The following HDAC4 variants were observed in gnomAD, a reference collection of about 807,000 sequenced individuals.
The protein encoded by HDAC4 is histone deacetylase A.
A neutral mutation model predicts 135.1 loss-of-function variants in HDAC4; 16 were observed. The ratio of observed to expected loss-of-function variants is 0.12; its 90% CI spans 0.08 to 0.18. The LOEUF is 0.18. Among genes scored for constraint, HDAC4 ranks in the 10% least tolerant of loss-of-function variants. The pLI, the probability that HDAC4 is intolerant of heterozygous loss-of-function variation, is 1.00. For missense variants in HDAC4, 1,143 were observed against 1,511.8 expected, an observed-to-expected ratio of 0.76 and a Z score of 4.05; for synonymous variants, 685 against 653.4, an observed-to-expected ratio of 1.05 and a Z score of -0.74.
chr2:239,247,785 A>G (rs1257638557), intron 2 of HDAC4, among the ~76,000 whole-genome samples: 4 of 152,238 alleles, frequency 2.6e-5, no homozygotes, highest in Admixed American at 2.6e-4. Flanking sequence ...AGGCAGGCAC[A>G]TTAACTGCGC....
chr2:239,184,341 C>T (rs1046774367), intron 4 of HDAC4, among the ~76,000 whole-genome samples: 2 of 141,232 alleles, frequency 1.4e-5, no homozygotes, highest in African/African-American at 5.4e-5. Flanking sequence ...TGGGGGGGTC[C>T]CTCAGTGTCT....
chr2:239,230,620 G>A (rs1047740023), intron 3 of HDAC4, among the ~76,000 whole-genome samples: 5 of 152,160 alleles, frequency 3.3e-5, no homozygotes, highest in Non-Finnish European at 7.3e-5. Context: ...GGCCACTCGA[G>A]GAACCACCAG....
At chr2:239,065,865 G>A (rs1309881925) in intron 24 of HDAC4, among the ~76,000 whole-genome samples, 1 of 152,254 alleles carries the variant, frequency 6.6e-6, no homozygotes, top group East Asian at 1.9e-4. Context: ...CGACTGAGTC[G>A]TGTCTTGGGG....
chr2:239,200,006 G>T (rs2045657599), intron 3 of HDAC4, among the ~76,000 whole-genome samples: 1 of 152,152 alleles, frequency 6.6e-6, no homozygotes, highest in East Asian at 1.9e-4. Context: ...CCAAAGTGCT[G>T]GGATTACAGG....
intron 4 of HDAC4, 146 bp downstream of exon 4, chr2:239,189,687 G>A: frequency 1.3e-6 from 1 of 747,582 alleles, no homozygotes; most frequent in African/African-American, 1.7e-5. Context: ...GTTGCCTGGT[G>A]TTACCGTCCC....
Position 239,084,438 on chromosome 2 carries a change from T to C in HDAC4, c.2445-196A>G, listed in dbSNP as rs369569248. On this transcript the variant is annotated intron_variant, in intron 19 of 26. Coordinates refer to ENST00000543185, the MANE Select transcript of HDAC4 (RefSeq NM_001378414.1). ...CAGACAGACACGTACACACCCCACA[T>C]GCAGACACACTCACACGCGTGCGCG... Among the ~76,000 whole-genome samples, 473 of 147,436 alleles carry C rather than the reference T, an allele frequency of 3.2e-3. 3 individuals are homozygous for C. Among genetic ancestry groups the C allele is most frequent in the African/African-American group, 0.011 (451 of 39,840 alleles).
At chr2:239,261,307 C>T (rs1027096064) in intron 2 of HDAC4, among the ~76,000 whole-genome samples, 4 of 152,158 alleles carry the variant, frequency 2.6e-5, no homozygotes, top group African/African-American at 7.2e-5. Flanking sequence ...CCAGGTAACA[C>T]GCTAGAGATG....
At chr2:239,092,795 C>T (rs745739243) in intron 17 of HDAC4, among the ~76,000 whole-genome samples, 9 of 152,128 alleles carry the variant, frequency 5.9e-5, no homozygotes, top group East Asian at 1.9e-4. Flanking sequence ...TCAGGGCAGG[C>T]GGCCGCAACT....
At position 239,282,257 on chromosome 2, in the gene HDAC4, TCTAC is replaced by T. The variant is rs1559323852; in HGVS notation, c.23-45597_23-45594del. Among the ~76,000 whole-genome samples the T allele has an allele frequency of 2.7e-3, 289 of 108,164 alleles. 8 individuals carry two copies. Among genetic ancestry groups the T allele is most frequent in the Middle Eastern group, 6.7e-3 (1 of 150 alleles). The allele number at this position is 108,164 out of a possible 152,430, so 71.0% of individuals were successfully genotyped here. On this transcript the variant is annotated intron_variant, in intron 2 of 26. Coordinates refer to ENST00000543185, the MANE Select transcript of HDAC4 (RefSeq NM_001378414.1). ...CACCACTCTACAATGTACACACCAC[TCTAC>T]ACACAATGTACACACCACTCTACAA...
intron 2 of HDAC4, among the ~76,000 whole-genome samples, chr2:239,305,299 G>A (rs530340534): frequency 2.6e-5 from 4 of 152,348 alleles, no homozygotes; most frequent in South Asian, 4.1e-4. Context: ...GGGCTGACAC[G>A]GGGAGTCTGC....
intron 24 of HDAC4, 97 bp from the exon 25 acceptor site, chr2:239,054,930 GA>G: frequency 1.1e-6 from 1 of 873,498 alleles, no homozygotes; most frequent in Non-Finnish European, 2.0e-6. Flanking sequence ...TGAGCACAGA[GA>G]CCCTTGTGGG....
intron 3 of HDAC4, among the ~76,000 whole-genome samples, chr2:239,208,650 C>T (rs2046198942): frequency 6.6e-6 from 1 of 152,056 alleles, no homozygotes; most frequent in Admixed American, 6.5e-5. Flanking sequence ...TACTGAGCTC[C>T]TCCCACCCCC....
At chr2:239,125,098 G>A (rs533211345) in intron 12 of HDAC4, among the ~76,000 whole-genome samples, 11 of 152,342 alleles carry the variant, frequency 7.2e-5, no homozygotes, top group East Asian at 3.9e-4. Flanking sequence ...CGACTGATAC[G>A]GTTATTACGA....
At chr2:239,199,391 C>G (rs910107753) in intron 3 of HDAC4, among the ~76,000 whole-genome samples, 8 of 152,172 alleles carry the variant, frequency 5.3e-5, no homozygotes, top group African/African-American at 1.9e-4. Context: ...TCCCATCAGC[C>G]CCTCTCCATG....
intron 7 of HDAC4, among the ~76,000 whole-genome samples, chr2:239,152,817 A>G (rs2042197387): frequency 6.6e-6 from 1 of 152,160 alleles, no homozygotes; most frequent in African/African-American, 2.4e-5. Flanking sequence ...CAGTCATTGG[A>G]TGGAGAAAAA....
Position 239,050,374 on chromosome 2 carries a change from C to T in HDAC4, c.*2723G>A, listed in dbSNP as rs115104073. ...GTAAGAGGGCAGGTGGCAGGATCCC[C>T]AGAGGGCTATGCAGAGAATGAGGCC... On this transcript the variant is annotated 3_prime_UTR_variant, in exon 27 of 27. Transcript: ENST00000543185. 1,315 of 152,364 alleles carry T rather than the reference C, an allele frequency of 8.6e-3. 7 individuals carry two copies. Among genetic ancestry groups the T allele is most frequent in the Non-Finnish European group, 0.015 (997 of 68,054 alleles). 9.4% of individuals were successfully genotyped at this position (152,364 alleles called of 1,614,324 possible). A position where few individuals can be genotyped will look rare whatever the true frequency, so the allele number is the denominator to read the frequency against.
At chr2:239,366,297 G>A (rs1286682357) in intron 1 of HDAC4, among the ~76,000 whole-genome samples, 2 of 152,246 alleles carry the variant, frequency 1.3e-5, no homozygotes, top group Non-Finnish European at 2.9e-5. Flanking sequence ...TCACGCGTGT[G>A]GCACTGGCGG....
At position 239,214,041 on chromosome 2, in the gene HDAC4, T is replaced by C. The variant is rs1575426434; in HGVS notation, c.94+22552A>G. Reference sequence around the variant, plus strand: ...GCTCACTCTGGGTGTTAGCTTCTTGTGCTTGATGTGTGTGACACGTTACTA... The same window carrying C: ...GCTCACTCTGGGTGTTAGCTTCTTGCGCTTGATGTGTGTGACACGTTACTA... On this transcript the variant is annotated intron_variant, in intron 3 of 26. Coordinates refer to ENST00000543185, the MANE Select transcript of HDAC4 (RefSeq NM_001378414.1). 2.0e-5 allele frequency among the ~76,000 whole-genome samples: 3 copies of C among 152,354 alleles called. No individual in the cohort carries two copies. In the East Asian group the frequency reaches 5.8e-4, roughly 29 times the overall value.
chr2:239,183,829 G>A (rs937520904), intron 4 of HDAC4, among the ~76,000 whole-genome samples: 1 of 152,042 alleles, frequency 6.6e-6, no homozygotes, highest in Admixed American at 6.5e-5. Context: ...AGCTGGGCCT[G>A]GGCAACATCT....
Sources: allele counts gnomAD v4.1 joint callset (sites outside exome capture counted in the v4.1 genomes callset), GRCh38; gene constraint gnomAD v4.1.1; transcripts MANE v1.5; gene names NCBI Gene and HGNC (gene_info 2026-07-23, HGNC 2026-07-21).